ATP6V1C1: variants seen among roughly 807,000 people sequenced by gnomAD.
ATP6V1C1 encodes ATPase H+ transporting V1 subunit C1.
A neutral mutation model predicts 53.9 loss-of-function variants in ATP6V1C1; 45 were observed. The ratio of observed to expected loss-of-function variants is 0.83; its 90% CI spans 0.66 to 1.07. The LOEUF (loss-of-function observed/expected upper bound fraction) is 1.07. Among genes scored for constraint, ATP6V1C1 ranks in the 50% least tolerant of loss-of-function variants. The pLI is 0.00. For missense variants in ATP6V1C1, 315 were observed against 440.3 expected (o/e 0.72, Z 2.55); for synonymous variants, 153 against 155.2 (o/e 0.99, Z 0.11).
chr8:103,057,612 G>A (rs1004139702), intron 8 of ATP6V1C1, among the ~76,000 whole-genome samples: 1 of 152,164 alleles, frequency 6.6e-6, no homozygotes, highest in African/African-American at 2.4e-5. Flanking sequence ...TCCTGCCTCA[G>A]TTCTGCTACC....
intron 1 of ATP6V1C1, among the ~76,000 whole-genome samples, chr8:103,032,001 TAA>T (rs58257930): frequency 9.1e-6 from 1 of 109,576 alleles, no homozygotes; most frequent in East Asian, 2.6e-4. Context: ...GCATATATTG[TAA>T]AAAAAAAACA....
chr8:103,033,342 T>C (rs771603611), intron 1 of ATP6V1C1, among the ~76,000 whole-genome samples: 6 of 152,236 alleles, frequency 3.9e-5, no homozygotes, highest in Non-Finnish European at 8.8e-5. Context: ...TATATTTTAA[T>C]AAAGTTGATT....
At chr8:103,051,186 G>T (rs528356969) in intron 5 of ATP6V1C1, 42 bp downstream of exon 5, 12 of 1,396,132 alleles carry the variant, frequency 8.6e-6, no homozygotes, top group Middle Eastern at 1.8e-4. Flanking sequence ...TTGATTTGTA[G>T]TGGCTTTGCT....
intron 4 of ATP6V1C1, among the ~76,000 whole-genome samples, chr8:103,049,538 C>A (rs1817164147): frequency 6.6e-6 from 1 of 152,076 alleles, no homozygotes; most frequent in Admixed American, 6.6e-5. Flanking sequence ...GATTCTGACC[C>A]CATTGTTGTC....
intron 5 of ATP6V1C1, among the ~76,000 whole-genome samples, chr8:103,051,692 C>T (rs915834620): frequency 2.6e-5 from 4 of 152,046 alleles, no homozygotes; most frequent in Non-Finnish European, 5.9e-5. Flanking sequence ...TTAAGAGCTC[C>T]TTTTATATTG....
intron 4 of ATP6V1C1, among the ~76,000 whole-genome samples, chr8:103,049,165 T>G (rs185426271): frequency 6.6e-6 from 1 of 152,364 alleles, no homozygotes; most frequent in Admixed American, 6.5e-5. Context: ...CAGTCTTACA[T>G]AATATGTAAT....
chr8:103,047,425 C>CGT (rs1817119666), intron 3 of ATP6V1C1, among the ~76,000 whole-genome samples: 1 of 66,244 alleles, frequency 1.5e-5, no homozygotes, highest in East Asian at 2.9e-4. Flanking sequence ...AAAAAAAATG[C>CGT]GCGCGCACAC....
intron 5 of ATP6V1C1, among the ~76,000 whole-genome samples, chr8:103,052,202 G>C (rs1817212873): frequency 6.6e-6 from 1 of 152,052 alleles, no homozygotes; most frequent in Admixed American, 6.6e-5. Context: ...GTTAAAGTCA[G>C]TTCTTCGAAT....
At chr8:103,032,188 C>G (rs1048446552) in intron 1 of ATP6V1C1, among the ~76,000 whole-genome samples, 1 of 152,100 alleles carries the variant, frequency 6.6e-6, no homozygotes, top group Non-Finnish European at 1.5e-5. Context: ...TTGTGCAACT[C>G]AATAAGTGAA....
chr8:103,056,952 G>T (rs886353268), intron 8 of ATP6V1C1, among the ~76,000 whole-genome samples: 2 of 152,102 alleles, frequency 1.3e-5, no homozygotes, highest in African/African-American at 4.8e-5. Context: ...TGCTGGTTCT[G>T]TCACCAGTAG....
chr8:103,037,660 T>C (rs987338088), intron 1 of ATP6V1C1, among the ~76,000 whole-genome samples: 6 of 152,240 alleles, frequency 3.9e-5, no homozygotes, highest in Admixed American at 2.0e-4. Flanking sequence ...TGCAATGTTA[T>C]GTTTTAACTT....
At chr8:103,062,445 C>T (rs1484084381) in intron 8 of ATP6V1C1, among the ~76,000 whole-genome samples, 1 of 152,076 alleles carries the variant, frequency 6.6e-6, no homozygotes, top group African/African-American at 2.4e-5. Flanking sequence ...GTTGGGATTA[C>T]AGACATAAGC....
At chr8:103,030,821 G>A (rs1816784972) in intron 1 of ATP6V1C1, among the ~76,000 whole-genome samples, 1 of 152,170 alleles carries the variant, frequency 6.6e-6, no homozygotes, top group South Asian at 2.1e-4. Context: ...GCTTTAAACT[G>A]AAGAATTGCC....
chr8:103,056,590 A>AT (rs1817292939), intron 8 of ATP6V1C1, among the ~76,000 whole-genome samples: 1 of 152,230 alleles, frequency 6.6e-6, no homozygotes, highest in Admixed American at 6.5e-5. Context: ...CCTGAGGCAT[A>AT]TGGCTGTGTA....
At chr8:103,060,182 G>C (rs1420152648) in intron 8 of ATP6V1C1, among the ~76,000 whole-genome samples, 1 of 151,976 alleles carries the variant, frequency 6.6e-6, no homozygotes, top group Non-Finnish European at 1.5e-5. Flanking sequence ...CGGCCAGACT[G>C]GTCTCGAGCT....
chr8:103,040,329 G>A lies in ATP6V1C1; in HGVS notation c.-39-469G>A, dbSNP rs555403284. On this transcript the variant is annotated intron_variant, in intron 1 of 12. Transcript: ENST00000518738. ...CTCAGGAGGCTGAGGCACAAAAATC[G>A]CTTGAACCTGGGAGGCGGAGGTTGC... 1.1e-4 allele frequency among the ~76,000 whole-genome samples: 16 copies of A among 151,678 alleles called. No individual in the cohort carries two copies. The South Asian group carries it at 2.7e-3, about 26-fold the overall frequency.
chr8:103,053,851 T>A (rs1817243144), intron 6 of ATP6V1C1, 33 bp from the exon 7 acceptor site: 1 of 1,492,334 alleles, frequency 6.7e-7, no homozygotes, highest in Non-Finnish European at 9.3e-7. Flanking sequence ...AAGCACATAA[T>A]TATCAGCCTA....
intron 1 of ATP6V1C1, among the ~76,000 whole-genome samples, chr8:103,038,250 A>G (rs1342369189): frequency 6.6e-6 from 1 of 152,130 alleles, no homozygotes; most frequent in Non-Finnish European, 1.5e-5. Flanking sequence ...GGTTCTCTAC[A>G]TGTGGCCTTA....
rs560401744 is a variant in ATP6V1C1 at position 103,039,067 on chromosome 8, A to T, written c.-39-1731A>T. Among the ~76,000 whole-genome samples the T allele has an allele frequency of 1.1e-4, 16 of 152,132 alleles. 1 individual carries two copies. The South Asian group carries it at 3.1e-3, about 30-fold the overall frequency. Reference sequence around the variant, plus strand: ...TATACAGTACAGTTTCTTTTTTAAAATTTTTTTTCTAGAATATAGTTTCTT... The same window carrying T: ...TATACAGTACAGTTTCTTTTTTAAATTTTTTTTTCTAGAATATAGTTTCTT... On this transcript the variant is annotated intron_variant, in intron 1 of 12. Coordinates refer to ENST00000518738, the MANE Select transcript of ATP6V1C1 (RefSeq NM_001695.5).
Sources: allele counts gnomAD v4.1 joint callset (sites outside exome capture counted in the v4.1 genomes callset), GRCh38; gene constraint gnomAD v4.1.1; transcripts MANE v1.5; gene names NCBI Gene and HGNC (gene_info 2026-07-23, HGNC 2026-07-21).